The following DCUN1D1 variants were observed in gnomAD, a reference collection of about 807,000 sequenced individuals.
The protein encoded by DCUN1D1 is DCN1-like protein 1.
A neutral mutation model predicts 39.0 loss-of-function variants in DCUN1D1; 3 were observed. The ratio of observed to expected loss-of-function variants is 0.08; its 90% CI spans 0.04 to 0.20. The LOEUF (loss-of-function observed/expected upper bound fraction) is 0.20, where lower values mean the gene tolerates loss of function less well. Ranked by LOEUF, DCUN1D1 falls within the 10% of genes least tolerant of loss-of-function variation. The pLI, the probability that DCUN1D1 is intolerant of heterozygous loss-of-function variation, is 1.00. For synonymous variants in DCUN1D1, 82 were observed against 96.3 expected (o/e 0.85, Z 0.87); for missense variants, 158 against 302.4 (o/e 0.52, Z 3.54).
chr3:182,970,025 A>C (rs1415581884), intron 1 of DCUN1D1, among the ~76,000 whole-genome samples: 1 of 152,164 alleles, frequency 6.6e-6, no homozygotes, highest in Non-Finnish European at 1.5e-5. Context: ...AGGCGGAGGC[A>C]GTGGGACTAT....
chr3:182,980,643 G>GGGGAGGCGGAGGGACGGA, upstream of DCUN1D1: 2 of 979,712 alleles, frequency 2.0e-6, no homozygotes, highest in Non-Finnish European at 2.5e-6. Flanking sequence ...CCCGGACCTC[G>GGGGAGGCGGAGGGACGGA]GGGAGGCGGA....
At chr3:182,974,036 G>C (rs1040494789) in intron 1 of DCUN1D1, among the ~76,000 whole-genome samples, 8 of 151,862 alleles carry the variant, frequency 5.3e-5, no homozygotes, top group Non-Finnish European at 1.0e-4. Flanking sequence ...CGGATCACTT[G>C]AGGTCAGGAG....
At chr3:182,945,304 C>T (rs1166338559) in intron 6 of DCUN1D1, 131 bp from the exon 7 acceptor site, 4 of 646,248 alleles carry the variant, frequency 6.2e-6, no homozygotes, top group Non-Finnish European at 9.9e-6. Flanking sequence ...TCTATTCCCA[C>T]TGATTAAGTC....
chr3:182,966,460 A>G (rs573465017), intron 1 of DCUN1D1, among the ~76,000 whole-genome samples: 3 of 152,238 alleles, frequency 2.0e-5, no homozygotes, highest in Non-Finnish European at 4.4e-5. Context: ...TCCCTTAGCC[A>G]GAGCCTAGCA....
chr3:182,980,535 G>T lies in DCUN1D1; in HGVS notation c.-46C>A. Reference sequence around the variant, plus strand: ...TCCCCTCCTCCTCCGGCTCCGCAGCGAATGGACGGCGGCGGCGGCGGCGGC... The same window carrying T: ...TCCCCTCCTCCTCCGGCTCCGCAGCTAATGGACGGCGGCGGCGGCGGCGGC... On this transcript the variant is annotated 5_prime_UTR_variant, in exon 1 of 7. Coordinates refer to ENST00000292782, the MANE Select transcript of DCUN1D1 (RefSeq NM_020640.4). 8.1e-7 allele frequency: 1 copy of T among 1,229,832 alleles called. No individual in the cohort carries two copies. The highest frequency in any genetic ancestry group is 2.0e-5 in the South Asian group (1 of 50,802). 76.2% of individuals were successfully genotyped at this position (1,229,832 alleles called of 1,614,324 possible).
intron 1 of DCUN1D1, among the ~76,000 whole-genome samples, chr3:182,977,144 T>C (rs922142763): frequency 6.6e-6 from 1 of 152,216 alleles, no homozygotes; most frequent in African/African-American, 2.4e-5. Context: ...CTGGATTTCA[T>C]ATGAGTTAAC....
chr3:182,959,975 T>C (rs1727300136), intron 4 of DCUN1D1, among the ~76,000 whole-genome samples: 1 of 152,200 alleles, frequency 6.6e-6, no homozygotes, highest in Admixed American at 6.5e-5. Flanking sequence ...CACTTCCCCT[T>C]TGACCTTGTC....
intron 1 of DCUN1D1, among the ~76,000 whole-genome samples, chr3:182,967,147 TA>T (rs1457443923): frequency 1.0e-4 from 15 of 149,518 alleles, no homozygotes; most frequent in Non-Finnish European, 1.6e-4. Context: ...TATATATATA[TA>T]TATATATATA....
rs1726030320 is a variant in DCUN1D1, at chr3:182,939,259, G to A, written c.*5835C>T. The A allele has an allele frequency of 6.6e-6, 1 of 152,160 alleles. No individual in the cohort carries two copies. 9.4% of individuals were successfully genotyped at this position (152,160 alleles called of 1,614,324 possible). A position where few individuals can be genotyped will look rare whatever the true frequency, so the allele number is the denominator to read the frequency against. ...ACGGCAGTCCGCATGCACTGTGGCA[G>A]GAATAGTTCTAGAAGTACAGCCACT... On this transcript the variant is annotated 3_prime_UTR_variant, in exon 7 of 7. Transcript: ENST00000292782.
intron 4 of DCUN1D1, among the ~76,000 whole-genome samples, chr3:182,955,141 A>T (rs549043214): frequency 6.6e-6 from 1 of 152,162 alleles, no homozygotes; most frequent in East Asian, 1.9e-4. Flanking sequence ...CCAGGGTTCA[A>T]GGGATTCTCC....
At chr3:182,968,877 G>C (rs1014699905) in intron 1 of DCUN1D1, among the ~76,000 whole-genome samples, 5 of 152,198 alleles carry the variant, frequency 3.3e-5, no homozygotes, top group African/African-American at 1.2e-4. Context: ...TGGGATTACA[G>C]GCATGAGCCA....
At chr3:182,960,532 T>C (rs1048966779) in intron 4 of DCUN1D1, among the ~76,000 whole-genome samples, 2 of 152,218 alleles carry the variant, frequency 1.3e-5, no homozygotes, top group African/African-American at 4.8e-5. Context: ...ATATCCCACC[T>C]TGTCCAGGAA....
Position 182,980,484 on chromosome 3 carries a change from C to A in DCUN1D1, c.3+3G>T. 8.2e-7 allele frequency: 1 copy of A among 1,224,302 alleles called. No homozygotes were observed. The highest frequency in any genetic ancestry group is 1.6e-5 in the African/African-American group (1 of 62,372). 75.8% of individuals were successfully genotyped at this position (1,224,302 alleles called of 1,614,324 possible). A position where few individuals can be genotyped will look rare whatever the true frequency, so the allele number is the denominator to read the frequency against. ...GGGCGGGCGGGCGGCCGCAGTGCCT[C>A]ACCATGTTGGTGTCCTCCAGGCCTC... On this transcript the variant is annotated splice_donor_region_variant and intron_variant, in intron 1 of 6. Transcript: ENST00000292782.
In DCUN1D1 at chr3:182,938,977, C is replaced by G. The variant is rs1165608615; in HGVS notation, c.*6117G>C. ...TGACACATTTCTTCTCACCAGAGATCACTGAGGGACTGGAACCCCCACTGG... is the reference window on the plus strand; with the variant it reads ...TGACACATTTCTTCTCACCAGAGATGACTGAGGGACTGGAACCCCCACTGG... On this transcript the variant is annotated 3_prime_UTR_variant, in exon 7 of 7. Coordinates refer to ENST00000292782, the MANE Select transcript of DCUN1D1 (RefSeq NM_020640.4). 6.6e-6 allele frequency: 1 copy of G among 152,516 alleles called. No homozygotes were observed. Among genetic ancestry groups the G allele is most frequent in the Non-Finnish European group, 1.5e-5 (1 of 68,096 alleles). The allele number at this position is 152,516 out of a possible 1,614,324, so 9.4% of individuals were successfully genotyped here. A position where few individuals can be genotyped will look rare whatever the true frequency, so the allele number is the denominator to read the frequency against.
At chr3:182,980,713 C>T (rs1454093816), upstream of DCUN1D1, 1 of 252,484 alleles carries the variant, frequency 4.0e-6, no homozygotes, top group Admixed American at 6.8e-5. Flanking sequence ...GGGGGTCCCC[C>T]GGGGAGTGGG....
chr3:182,980,230 A>G (rs1462847278), intron 1 of DCUN1D1: 1 of 317,890 alleles, frequency 3.1e-6, no homozygotes, highest in African/African-American at 2.2e-5. Flanking sequence ...CCGCGCCCCA[A>G]ACTCCCCGGG....
At chr3:182,964,635 C>CTTTTTTTTTTT (rs951243180) in intron 2 of DCUN1D1, among the ~76,000 whole-genome samples, 2 of 107,488 alleles carry the variant, frequency 1.9e-5, no homozygotes, top group African/African-American at 3.8e-5. Flanking sequence ...TAACACCTTT[C>CTTTTTTTTTTT]TTTTTTTTTT....
intron 6 of DCUN1D1, among the ~76,000 whole-genome samples, chr3:182,945,556 C>G (rs1726352286): frequency 6.6e-6 from 1 of 152,074 alleles, no homozygotes; most frequent in South Asian, 2.1e-4. Flanking sequence ...GAGATCGCGC[C>G]ACTGCACTCC....
At chr3:182,964,332 A>G (rs1727554483) in intron 2 of DCUN1D1, among the ~76,000 whole-genome samples, 1 of 152,208 alleles carries the variant, frequency 6.6e-6, no homozygotes. Flanking sequence ...AAAATCAGAC[A>G]TTCGTATATA....
Sources: gnomAD v4.1 joint callset for allele counts (sites outside exome capture counted in the v4.1 genomes callset) on GRCh38, gnomAD v4.1.1 for gene constraint, MANE v1.5 for transcripts, NCBI Gene and HGNC (gene_info 2026-07-23, HGNC 2026-07-21) for gene names.